CDH13: variants seen among roughly 807,000 people sequenced by gnomAD.
CDH13 encodes the protein cadherin-13.
In CDH13, 24 loss-of-function variants were observed where a neutral mutation model predicts 63.8. The observed-to-expected ratio is 0.38, with a 90% CI of 0.27 to 0.53. The LOEUF is 0.53. CDH13 is among the 20% of genes least tolerant of loss of function. CDH13 has a pLI of 0.85. For missense variants in CDH13, 1,049 were observed against 903.1 expected (o/e 1.16, Z -2.07); for synonymous variants, 503 against 355.3 (o/e 1.42, Z -4.67).
chr16:83,497,165 A>G (rs927145607), intron 7 of CDH13, among the ~76,000 whole-genome samples: 3 of 152,158 alleles, frequency 2.0e-5, no homozygotes, highest in African/African-American at 4.8e-5. Flanking sequence ...TACTGGGTAT[A>G]TACCCAAAGG....
intron 2 of CDH13, among the ~76,000 whole-genome samples, chr16:82,961,572 T>TAAAAA (rs71376305): frequency 1.7e-4 from 18 of 103,384 alleles, no homozygotes; most frequent in South Asian, 6.9e-4. Flanking sequence ...GCAGGGGACT[T>TAAAAA]AAAAAAAAAA....
chr16:83,014,743 A>AATATATATATATATAT (rs71146101), intron 2 of CDH13, among the ~76,000 whole-genome samples: 1 of 33,232 alleles, frequency 3.0e-5, no homozygotes, highest in Non-Finnish European at 5.4e-5. Flanking sequence ...AAAAAAAAAA[A>AATATATATATATATAT]ATATATATAT....
At chr16:83,586,214 A>T (rs924880231) in intron 7 of CDH13, among the ~76,000 whole-genome samples, 1 of 152,184 alleles carries the variant, frequency 6.6e-6, no homozygotes, top group African/African-American at 2.4e-5. Context: ...GGCTAGAACC[A>T]CAAGGGAGCG....
intron 10 of CDH13, among the ~76,000 whole-genome samples, chr16:83,728,190 G>C (rs1355985855): frequency 6.6e-6 from 1 of 152,080 alleles, no homozygotes; most frequent in Non-Finnish European, 1.5e-5. Flanking sequence ...GTCTATCCTC[G>C]ACCACAGGGT....
intron 5 of CDH13, among the ~76,000 whole-genome samples, chr16:83,222,065 T>C (rs1047778926): frequency 2.0e-5 from 3 of 152,120 alleles, no homozygotes; most frequent in South Asian, 2.1e-4. Context: ...CAGATGATGG[T>C]CTCATCTCAT....
At chr16:83,282,528 T>A (rs975562703) in intron 5 of CDH13, among the ~76,000 whole-genome samples, 2 of 152,078 alleles carry the variant, frequency 1.3e-5, no homozygotes, top group Non-Finnish European at 2.9e-5. Context: ...AAAATATAAG[T>A]CACTAAAACC....
At chr16:83,025,939 C>A (rs1915761470) in intron 2 of CDH13, among the ~76,000 whole-genome samples, 1 of 152,172 alleles carries the variant, frequency 6.6e-6, no homozygotes, top group South Asian at 2.1e-4. Flanking sequence ...GTATCATAAT[C>A]TTGGGAGAGA....
chr16:83,338,562 C>T (rs571722079), intron 5 of CDH13, among the ~76,000 whole-genome samples: 1 of 152,326 alleles, frequency 6.6e-6, no homozygotes, highest in East Asian at 1.9e-4. Flanking sequence ...TAGGTAATAA[C>T]CCATGGGAAG....
At chr16:83,655,724 A>T (rs1056132735) in intron 8 of CDH13, among the ~76,000 whole-genome samples, 10 of 152,222 alleles carry the variant, frequency 6.6e-5, no homozygotes, top group African/African-American at 2.2e-4. Flanking sequence ...TGTTCAGTGA[A>T]GACTCCCAAA....
rs962417400 is a variant in CDH13, at chr16:83,613,888, T to C, written c.1101+11294T>C. Among the ~76,000 whole-genome samples the C allele has an allele frequency of 4.6e-5, 7 of 152,364 alleles. No homozygotes were observed. In the South Asian group the frequency reaches 1.4e-3, roughly 32 times the overall value. ...AATTACACTCATATTTTAAATTATG[T>C]AATTTCAAATTCTTTTTTGAATAAA... On this transcript the variant is annotated intron_variant, in intron 8 of 13. Coordinates refer to ENST00000567109, the MANE Select transcript of CDH13 (RefSeq NM_001257.5).
At chr16:82,707,802 T>G (rs1466355178) in intron 1 of CDH13, among the ~76,000 whole-genome samples, 1 of 152,176 alleles carries the variant, frequency 6.6e-6, no homozygotes, top group African/African-American at 2.4e-5. Context: ...CTACCATCTG[T>G]GTGGTATTCA....
intron 1 of CDH13, among the ~76,000 whole-genome samples, chr16:82,739,573 T>C (rs933471160): frequency 6.6e-6 from 1 of 152,220 alleles, no homozygotes; most frequent in Non-Finnish European, 1.5e-5. Flanking sequence ...TGTTTATTTA[T>C]TTTTAAAAAG....
chr16:82,705,325 T>A (rs557844778), intron 1 of CDH13: 6 of 358,890 alleles, frequency 1.7e-5, no homozygotes, highest in Middle Eastern at 4.1e-4. Flanking sequence ...TCTCCTTCTC[T>A]CCAGCAAGGG....
At chr16:83,670,336 T>C (rs900404716) in intron 8 of CDH13, among the ~76,000 whole-genome samples, 1 of 152,042 alleles carries the variant, frequency 6.6e-6, no homozygotes, top group African/African-American at 2.4e-5. Context: ...TCAATGAAAA[T>C]TTGTTTCTCA....
At chr16:82,990,313 T>C (rs950381915) in intron 2 of CDH13, 2 of 152,188 alleles carry the variant, frequency 1.3e-5, no homozygotes, top group African/African-American at 4.8e-5. Context: ...TCTTTTTGTT[T>C]CTCTTGGAAT....
At chr16:82,951,956 CA>C (rs1394420878) in intron 2 of CDH13, among the ~76,000 whole-genome samples, 1 of 152,190 alleles carries the variant, frequency 6.6e-6, no homozygotes, top group Non-Finnish European at 1.5e-5. Context: ...GCAAGGTTTA[CA>C]AGACTCCCTC....
chr16:82,893,107 T>G (rs1187233112), intron 2 of CDH13, among the ~76,000 whole-genome samples: 1 of 152,226 alleles, frequency 6.6e-6, no homozygotes, highest in Non-Finnish European at 1.5e-5. Flanking sequence ...GATTCCTGAA[T>G]TCCATGTAAA....
chr16:82,666,647 A>G (rs552470421), intron 1 of CDH13, among the ~76,000 whole-genome samples: 1 of 152,310 alleles, frequency 6.6e-6, no homozygotes, highest in South Asian at 2.1e-4. Context: ...GGTTAACCAT[A>G]CAACAACCAT....
chr16:82,969,070 G>A (rs1908304413), intron 2 of CDH13, among the ~76,000 whole-genome samples: 1 of 152,162 alleles, frequency 6.6e-6, no homozygotes, highest in South Asian at 2.1e-4. Context: ...TCGCATCACT[G>A]CACTCCAGCC....
Sources: allele counts gnomAD v4.1 joint callset (sites outside exome capture counted in the v4.1 genomes callset), GRCh38; gene constraint gnomAD v4.1.1; transcripts MANE v1.5; gene names NCBI Gene and HGNC (gene_info 2026-07-23, HGNC 2026-07-21).